The following NUDCD1 variants were observed in gnomAD, a reference collection of about 807,000 sequenced individuals.
The protein encoded by NUDCD1 is nudC domain-containing protein 1.
A neutral mutation model predicts 67.8 loss-of-function variants in NUDCD1; 60 were observed. That is an observed-to-expected ratio of 0.88 (90% CI 0.72 to 1.10). The LOEUF (loss-of-function observed/expected upper bound fraction) is 1.10. Ranked by LOEUF, NUDCD1 falls within the 50% of genes least tolerant of loss-of-function variation. NUDCD1 has a pLI of 0.00. For missense variants in NUDCD1, 643 were observed against 695.0 expected, an observed-to-expected ratio of 0.93 and a Z score of 0.84; for synonymous variants, 244 against 230.8, an observed-to-expected ratio of 1.06 and a Z score of -0.52.
chr8:109,311,192 G>C (rs1815239159), intron 2 of NUDCD1, among the ~76,000 whole-genome samples: 1 of 152,114 alleles, frequency 6.6e-6, no homozygotes, highest in African/African-American at 2.4e-5. Flanking sequence ...AATGATCAGG[G>C]AAATGCAAAT....
chr8:109,275,824 G>A (rs1814272485), intron 6 of NUDCD1, among the ~76,000 whole-genome samples: 2 of 152,088 alleles, frequency 1.3e-5, no homozygotes, highest in African/African-American at 4.8e-5. Flanking sequence ...AATACAAGAA[G>A]CATGGATCTA....
intron 2 of NUDCD1, among the ~76,000 whole-genome samples, chr8:109,319,075 G>A (rs562314789): frequency 4.6e-5 from 7 of 151,154 alleles, no homozygotes; most frequent in East Asian, 2.0e-4. Flanking sequence ...CCAGGTTCAC[G>A]CCATTCTCCT....
At chr8:109,243,361 G>GTTATATC in intron 9 of NUDCD1, 60 bp from the exon 10 acceptor site, 1 of 1,336,626 alleles carries the variant, frequency 7.5e-7, no homozygotes, top group Non-Finnish European at 1.0e-6. Context: ...GGGGAAAAAT[G>GTTATATC]ATGATTTAAC....
At chr8:109,312,519 T>C (rs1005054035) in intron 2 of NUDCD1, among the ~76,000 whole-genome samples, 1 of 152,204 alleles carries the variant, frequency 6.6e-6, no homozygotes, top group African/African-American at 2.4e-5. Flanking sequence ...ATGTTTTATA[T>C]ACTGTTTGAC....
At chr8:109,294,943 T>TC (rs1410029728) in intron 3 of NUDCD1, among the ~76,000 whole-genome samples, 3 of 151,940 alleles carry the variant, frequency 2.0e-5, no homozygotes, top group Admixed American at 2.0e-4. Flanking sequence ...TTCCACAGTA[T>TC]CCCTCCCACC....
chr8:109,305,489 C>T (rs1483815584), intron 2 of NUDCD1, among the ~76,000 whole-genome samples: 1 of 152,174 alleles, frequency 6.6e-6, no homozygotes, highest in Non-Finnish European at 1.5e-5. Flanking sequence ...ACACACCTCA[C>T]CAAGCTCAGC....
intron 1 of NUDCD1, among the ~76,000 whole-genome samples, chr8:109,325,998 G>C (rs1423776035): frequency 1.3e-5 from 2 of 152,210 alleles, no homozygotes; most frequent in East Asian, 3.8e-4. Flanking sequence ...GCAACAGTTA[G>C]AAATATGTAT....
In NUDCD1 at chr8:109,322,426, T is replaced by G; in HGVS notation, c.156A>C (p.Thr52=). The change falls in exon 2 of 10, where the codon ACA becomes ACC. Residue 52 remains threonine, a synonymous_variant. Transcript: ENST00000239690. ...TTCCAAAAGCATGCATGTGTTCCAG[T>G]GTATATTGATCATCTCGAAGTTTTA... The part of the protein sequence containing the change: ...AEVKLRDDQY[T]LEHMHAFGMY... The G allele has an allele frequency of 6.2e-7, 1 of 1,602,764 alleles. No individual in the cohort carries two copies. The highest frequency in any genetic ancestry group is 8.5e-7 in the Non-Finnish European group (1 of 1,171,892).
intron 1 of NUDCD1, among the ~76,000 whole-genome samples, chr8:109,323,557 G>T (rs1815590529): frequency 1.3e-5 from 2 of 151,918 alleles, no homozygotes; most frequent in Admixed American, 1.3e-4. Context: ...AATAATCACT[G>T]GGTACCATGA....
At chr8:109,298,448 A>C (rs1451259832) in intron 2 of NUDCD1, 1 of 152,232 alleles carries the variant, frequency 6.6e-6, no homozygotes, top group Non-Finnish European at 1.5e-5. Context: ...GGGACACCAG[A>C]GAACTTCTGG....
At chr8:109,290,357 C>T (rs1814683571) in intron 4 of NUDCD1, among the ~76,000 whole-genome samples, 1 of 152,100 alleles carries the variant, frequency 6.6e-6, no homozygotes, top group Non-Finnish European at 1.5e-5. Context: ...AGAACTCCAA[C>T]ATGACCGGCT....
At chr8:109,320,674 T>A (rs1434139536) in intron 2 of NUDCD1, among the ~76,000 whole-genome samples, 2 of 152,196 alleles carry the variant, frequency 1.3e-5, no homozygotes, top group African/African-American at 2.4e-5. Context: ...GGGTACTGAT[T>A]GGGGAAGTGA....
chr8:109,299,488 C>A (rs1315311030), intron 2 of NUDCD1, among the ~76,000 whole-genome samples: 3 of 152,144 alleles, frequency 2.0e-5, no homozygotes, highest in Admixed American at 6.5e-5. Flanking sequence ...TTCTCCCCCA[C>A]TTCCCTGAAC....
chr8:109,270,318 T>C (rs1814119900), intron 8 of NUDCD1, among the ~76,000 whole-genome samples: 1 of 150,484 alleles, frequency 6.6e-6, no homozygotes, highest in Non-Finnish European at 1.5e-5. Context: ...TTACATAAAA[T>C]AACTTGACAG....
At chr8:109,287,035 T>A (rs1429390656) in intron 5 of NUDCD1, among the ~76,000 whole-genome samples, 1 of 152,094 alleles carries the variant, frequency 6.6e-6, no homozygotes, top group Admixed American at 6.6e-5. Context: ...TCACTAATCA[T>A]TAGCACTAAT....
At chr8:109,267,584 C>A (rs542667340) in intron 8 of NUDCD1, among the ~76,000 whole-genome samples, 2 of 152,006 alleles carry the variant, frequency 1.3e-5, no homozygotes, top group Non-Finnish European at 2.9e-5. Flanking sequence ...CCATAAAGGG[C>A]TTATAATCAT....
intron 8 of NUDCD1, among the ~76,000 whole-genome samples, chr8:109,246,603 T>C (rs376222509): frequency 2.0e-5 from 3 of 152,304 alleles, no homozygotes; most frequent in East Asian, 3.9e-4. Flanking sequence ...AATCATCAAA[T>C]TGAAACTCAC....
chr8:109,279,107 A>G (rs565911184), intron 6 of NUDCD1, among the ~76,000 whole-genome samples: 54 of 152,320 alleles, frequency 3.5e-4, no homozygotes, highest in Non-Finnish European at 6.8e-4. Context: ...AAAAAATTAT[A>G]TACATTCATT....
At chr8:109,298,328 G>A (rs1433073700) in intron 2 of NUDCD1, among the ~76,000 whole-genome samples, 1 of 152,178 alleles carries the variant, frequency 6.6e-6, no homozygotes, top group Non-Finnish European at 1.5e-5. Context: ...GGTCTGTTAA[G>A]TGGAGGTCAA....
Sources: allele counts gnomAD v4.1 joint callset (sites outside exome capture counted in the v4.1 genomes callset), GRCh38; gene constraint gnomAD v4.1.1; transcripts MANE v1.5; gene names NCBI Gene and HGNC (gene_info 2026-07-23, HGNC 2026-07-21).